GABRB1: variants seen among roughly 807,000 people sequenced by gnomAD.
GABRB1 encodes gamma-aminobutyric acid type A receptor subunit beta1, also known as gamma-aminobutyric acid receptor subunit beta-1.
GABRB1 carries 17 observed loss-of-function variants against 51.6 expected under a neutral mutation model. The observed-to-expected ratio is 0.33, with a 90% CI of 0.23 to 0.49. The LOEUF is 0.49. Among genes scored for constraint, GABRB1 ranks in the 20% least tolerant of loss-of-function variants. The pLI is 0.99. For missense variants in GABRB1, 410 were observed against 600.6 expected, an observed-to-expected ratio of 0.68 and a Z score of 3.32; for synonymous variants, 247 against 218.9, an observed-to-expected ratio of 1.13 and a Z score of -1.14.
At chr4:47,028,462 A>C (rs1725170864), upstream of GABRB1, among the ~76,000 whole-genome samples, 1 of 151,824 alleles carries the variant, frequency 6.6e-6, no homozygotes, top group South Asian at 2.1e-4. Flanking sequence ...TTTATTAGAC[A>C]TTTATTTCTC....
At chr4:47,165,856 C>G (rs898924506) in intron 4 of GABRB1, among the ~76,000 whole-genome samples, 2 of 152,102 alleles carry the variant, frequency 1.3e-5, no homozygotes, top group African/African-American at 4.8e-5. Flanking sequence ...TTCCCAAGTG[C>G]TAATGAAATT....
At chr4:47,356,184 G>A (rs1033289947) in intron 5 of GABRB1, among the ~76,000 whole-genome samples, 2 of 152,148 alleles carry the variant, frequency 1.3e-5, no homozygotes, top group African/African-American at 2.4e-5. Context: ...TAAAGACATC[G>A]TGTTTGTATT....
intron 5 of GABRB1, among the ~76,000 whole-genome samples, chr4:47,355,166 G>A (rs1426819349): frequency 1.3e-5 from 2 of 151,614 alleles, no homozygotes; most frequent in Non-Finnish European, 2.9e-5. Flanking sequence ...TTTTTTAGTA[G>A]AGATGGGGTT....
chr4:47,324,533 A>T (rs1448921190), intron 5 of GABRB1, among the ~76,000 whole-genome samples: 4 of 152,224 alleles, frequency 2.6e-5, no homozygotes, highest in East Asian at 3.9e-4. Context: ...AGGATAATCT[A>T]TATCTGTTGT....
intron 4 of GABRB1, among the ~76,000 whole-genome samples, chr4:47,228,587 A>G (rs146202752): frequency 4.4e-4 from 67 of 152,256 alleles, no homozygotes; most frequent in African/African-American, 1.5e-3. Context: ...TTGTATGTCT[A>G]TCACTCATCT....
chr4:47,253,417 T>C (rs962097911), intron 4 of GABRB1, among the ~76,000 whole-genome samples: 5 of 152,218 alleles, frequency 3.3e-5, no homozygotes, highest in Admixed American at 6.5e-5. Context: ...TTGGAAAACA[T>C]AGTCCTTTTT....
At chr4:47,042,071 A>G (rs28429202) in intron 3 of GABRB1, among the ~76,000 whole-genome samples, 3,668 of 151,982 alleles carry the variant, frequency 0.024, 136 homozygotes, top group African/African-American at 0.084. Flanking sequence ...TCCCCCTACT[A>G]TGTAAGCTTT....
intron 5 of GABRB1, among the ~76,000 whole-genome samples, chr4:47,328,928 A>G (rs926690891): frequency 2.0e-5 from 3 of 152,092 alleles, no homozygotes; most frequent in Non-Finnish European, 4.4e-5. Context: ...AAAAAAAAAA[A>G]AAGAAATATC....
At chr4:47,055,670 A>G (rs982948018) in intron 3 of GABRB1, among the ~76,000 whole-genome samples, 6 of 152,138 alleles carry the variant, frequency 3.9e-5, no homozygotes, top group Admixed American at 1.3e-4. Context: ...CCCATTTGCC[A>G]TGAGTTAGGA....
chr4:47,413,772 G>T (rs961884572), intron 8 of GABRB1, among the ~76,000 whole-genome samples: 2 of 152,138 alleles, frequency 1.3e-5, no homozygotes, highest in African/African-American at 4.8e-5. Flanking sequence ...CTTCAGGAGT[G>T]CTTGCTTTGT....
intron 3 of GABRB1, among the ~76,000 whole-genome samples, chr4:47,092,141 TTTTC>T (rs201589290): frequency 0.022 from 2,178 of 98,560 alleles, 108 homozygotes; most frequent in Admixed American, 0.099. Context: ...TTTCTTTTCT[TTTTC>T]TTTCTTTCTT....
intron 4 of GABRB1, among the ~76,000 whole-genome samples, chr4:47,308,442 C>A (rs570019855): frequency 1.3e-5 from 2 of 152,122 alleles, no homozygotes; most frequent in South Asian, 2.1e-4. Context: ...GAATTTTGCA[C>A]AATTTATTCT....
At chr4:47,348,723 G>C (rs993078037) in intron 5 of GABRB1, among the ~76,000 whole-genome samples, 1 of 152,168 alleles carries the variant, frequency 6.6e-6, no homozygotes, top group Non-Finnish European at 1.5e-5. Context: ...TTTTGAACTA[G>C]GGGAAGGATA....
intron 5 of GABRB1, among the ~76,000 whole-genome samples, chr4:47,349,273 T>A (rs904792181): frequency 6.6e-6 from 1 of 151,582 alleles, no homozygotes; most frequent in African/African-American, 2.4e-5. Context: ...GCTTGGGAGG[T>A]CTGGGGAATT....
chr4:47,173,348 T>C (rs951699455), intron 4 of GABRB1, among the ~76,000 whole-genome samples: 1 of 152,184 alleles, frequency 6.6e-6, no homozygotes, highest in African/African-American at 2.4e-5. Flanking sequence ...TACATGTCTC[T>C]GCCTTTTCAA....
At chr4:47,254,600 CTGACTTTGTGATCCGTT>C (rs1560299943) in intron 4 of GABRB1, among the ~76,000 whole-genome samples, 1 of 151,776 alleles carries the variant, frequency 6.6e-6, no homozygotes, top group Non-Finnish European at 1.5e-5. Flanking sequence ...TCTCGATCTC[CTGACTTTGTGATCCGTT>C]TGCCTTGGCC....
chr4:47,209,587 A>C, intron 4 of GABRB1, among the ~76,000 whole-genome samples: 1 of 152,174 alleles, frequency 6.6e-6, no homozygotes, highest in South Asian at 2.1e-4. Flanking sequence ...TGTATTTATC[A>C]GTCTCCCCTA....
intron 4 of GABRB1, among the ~76,000 whole-genome samples, chr4:47,166,241 C>CGT (rs1381791602): frequency 6.6e-6 from 1 of 151,988 alleles, no homozygotes; most frequent in African/African-American, 2.4e-5. Context: ...GGATGAACTG[C>CGT]GTAAGTCCAT....
chr4:47,403,768 C>T (rs1728478808), intron 7 of GABRB1, 57 bp downstream of exon 7: 3 of 1,555,032 alleles, frequency 1.9e-6, no homozygotes, highest in African/African-American at 1.4e-5. Context: ...AACAAATAAC[C>T]AATATCAGGA....
Sources: gnomAD v4.1 joint callset for allele counts (sites outside exome capture counted in the v4.1 genomes callset) on GRCh38, gnomAD v4.1.1 for gene constraint, MANE v1.5 for transcripts, NCBI Gene and HGNC (gene_info 2026-07-23, HGNC 2026-07-21) for gene names.